The following RAB3GAP1 variants were observed in gnomAD, a reference collection of about 807,000 sequenced individuals.
The protein encoded by RAB3GAP1 is rab3 GTPase-activating protein catalytic subunit.
Under a neutral mutation model 130.7 loss-of-function variants are expected in RAB3GAP1, and 86 were observed. The ratio of observed to expected loss-of-function variants is 0.66; its 90% CI spans 0.55 to 0.79. The LOEUF (loss-of-function observed/expected upper bound fraction) is 0.79, where lower values mean the gene tolerates loss of function less well. Among genes scored for constraint, RAB3GAP1 ranks in the 30% least tolerant of loss-of-function variants. RAB3GAP1 has a pLI of 0.00. For missense variants in RAB3GAP1, 1,029 were observed against 1,169.4 expected, an observed-to-expected ratio of 0.88 and a Z score of 1.75; for synonymous variants, 367 against 401.7, an observed-to-expected ratio of 0.91 and a Z score of 1.03.
In RAB3GAP1 at chr2:135,061,223, C is replaced by T. The variant is rs78046858; in HGVS notation, c.150+3137C>T. On this transcript the variant is annotated intron_variant, in intron 3 of 23. Transcript: ENST00000264158. ...ATGGTTTCTTTCACTTGTCCACATA[C>T]GTACTATTAGGAATAAAGCAGAACA... 7.1e-3 allele frequency among the ~76,000 whole-genome samples: 1,076 copies of T among 152,124 alleles called. 12 individuals carry two copies. The highest frequency in any genetic ancestry group is 0.024 in the African/African-American group (1,007 of 41,492).
At chr2:135,059,379 A>G (rs985702355) in intron 3 of RAB3GAP1, among the ~76,000 whole-genome samples, 59 of 152,170 alleles carry the variant, frequency 3.9e-4, no homozygotes, top group African/African-American at 1.4e-3. Flanking sequence ...ATTTACATGT[A>G]TTTACTGAGT....
At chr2:135,151,035 A>T (rs1210575164) in intron 18 of RAB3GAP1, among the ~76,000 whole-genome samples, 2 of 152,182 alleles carry the variant, frequency 1.3e-5, no homozygotes, top group Non-Finnish European at 2.9e-5. Context: ...TTCTCAGAAG[A>T]GTCACTATTT....
chr2:135,055,568 G>T (rs1220981239), intron 2 of RAB3GAP1, among the ~76,000 whole-genome samples: 12 of 151,604 alleles, frequency 7.9e-5, no homozygotes, highest in African/African-American at 2.9e-4. Context: ...GTCCCAGCTA[G>T]TCAGGAGGCT....
chr2:135,113,384 A>G, intron 6 of RAB3GAP1, 114 bp downstream of exon 6: 1 of 1,369,696 alleles, frequency 7.3e-7, no homozygotes, highest in Non-Finnish European at 1.0e-6. Flanking sequence ...CTTAGTGCAT[A>G]TATATTGTTA....
intron 17 of RAB3GAP1, among the ~76,000 whole-genome samples, chr2:135,138,247 C>A (rs1351285961): frequency 6.7e-6 from 1 of 150,050 alleles, no homozygotes; most frequent in Non-Finnish European, 1.5e-5. Flanking sequence ...GAATTCAAGA[C>A]CAGCCTGGGC....
Position 135,142,762 on chromosome 2 carries a change from A to G in RAB3GAP1, c.1923+6830A>G, listed in dbSNP as rs576349289. Among the ~76,000 whole-genome samples, 6 of 151,842 alleles carry G rather than the reference A, an allele frequency of 4.0e-5. No individual in the cohort carries two copies. In the South Asian group the frequency reaches 1.2e-3, roughly 32 times the overall value. On this transcript the variant is annotated intron_variant, in intron 17 of 23. Transcript: ENST00000264158. ...TTTTCCTGTATATTAAGGTAATCCT[A>G]TTTTATTCTCCCTTATTCCATTAAT...
rs772086492 is a variant in RAB3GAP1, at chr2:135,162,473, C to T, written c.2290-82C>T. 3 of 1,037,020 alleles carry T rather than the reference C, an allele frequency of 2.9e-6. No homozygotes were observed. The Admixed American group carries it at 5.8e-5, about 20-fold the overall frequency. The allele number at this position is 1,037,020 out of a possible 1,614,324, so 64.2% of individuals were successfully genotyped here. ...TCTTGTTAAGGATTAAGATGAGTGG[C>T]TGAGGATTTGCACTTCTGTAAGTGG... On this transcript the variant is annotated intron_variant, in intron 19 of 23. Coordinates refer to ENST00000264158, the MANE Select transcript of RAB3GAP1 (RefSeq NM_012233.3).
chr2:135,097,090 A>G (rs1453977799), intron 5 of RAB3GAP1, among the ~76,000 whole-genome samples: 3 of 151,992 alleles, frequency 2.0e-5, no homozygotes, highest in Non-Finnish European at 4.4e-5. Context: ...AACACTTTAT[A>G]TAGTTTTTTA....
chr2:135,162,824 C>T lies in RAB3GAP1; in HGVS notation c.2463C>T (p.Phe821=), dbSNP rs61748693. 13,089 of 1,612,868 alleles carry T rather than the reference C, an allele frequency of 8.1e-3. 110 individuals are homozygous for T. The highest frequency in any genetic ancestry group is 0.013 in the Middle Eastern group (77 of 6,058). ...CCCATTCCAGTAAAGTTTTGCACTT[C>T]CCCAATCCAGAAGACAAGAAATTGG... ...IISHSSKVLH[F]PNPEDKKLEE... is the part of the protein sequence containing the mutation. Residue 821 remains phenylalanine, a synonymous_variant, in exon 21 of 24, where the codon TTC becomes TTT. Coordinates refer to ENST00000264158, the MANE Select transcript of RAB3GAP1 (RefSeq NM_012233.3).
At chr2:135,107,485 T>C (rs1690662154) in intron 5 of RAB3GAP1, among the ~76,000 whole-genome samples, 1 of 151,936 alleles carries the variant, frequency 6.6e-6, no homozygotes, top group African/African-American at 2.4e-5. Flanking sequence ...ATAACCTGAA[T>C]AGATTATAAA....
Position 135,132,977 on chromosome 2 carries a change from A to G in RAB3GAP1, c.1319A>G (p.Glu440Gly). ...TDNNNPPSES[E>G]DYNLYNQFKS... ...AATAATAATCCTCCATCAGAGAGTG[A>G]AGACTATGTAAGTTGATGTGGAGTT... The change falls in exon 14 of 24, where the codon GAA (glutamate) becomes GGA (glycine). Residue 440 changes from glutamate to glycine, a missense_variant. Transcript: ENST00000264158. 1 of 1,531,836 alleles carries G rather than the reference A, an allele frequency of 6.5e-7. No homozygotes were observed. Among genetic ancestry groups the G allele is most frequent in the Non-Finnish European group, 9.0e-7 (1 of 1,105,808 alleles). 94.9% of individuals were successfully genotyped at this position (1,531,836 alleles called of 1,614,324 possible).
intron 3 of RAB3GAP1, among the ~76,000 whole-genome samples, chr2:135,065,767 ATTTTTTTT>A (rs1201634667): frequency 7.3e-5 from 9 of 123,942 alleles, no homozygotes; most frequent in African/African-American, 3.0e-4. Flanking sequence ...ATCTTCACTA[ATTTTTTTT>A]TTTTTTTTTT....
At chr2:135,089,178 T>C (rs1690068202) in intron 3 of RAB3GAP1, among the ~76,000 whole-genome samples, 1 of 151,974 alleles carries the variant, frequency 6.6e-6, no homozygotes, top group Non-Finnish European at 1.5e-5. Context: ...TTTTGTCAGG[T>C]TTGTCAAAGA....
chr2:135,107,836 G>A (rs1195986383), intron 5 of RAB3GAP1, among the ~76,000 whole-genome samples: 1 of 152,026 alleles, frequency 6.6e-6, no homozygotes, highest in Non-Finnish European at 1.5e-5. Flanking sequence ...TTAGCCAGGT[G>A]TGGTGGCACA....
rs146045827 is a variant in RAB3GAP1, at chr2:135,168,739, T to C, written c.2904T>C (p.Phe968=). The C allele has an allele frequency of 1.5e-4, 246 of 1,614,208 alleles. No individual in the cohort carries two copies. The African/African-American group carries it at 2.7e-3, about 18-fold the overall frequency. Reference sequence around the variant, plus strand: ...ACAGTGTTCTCACCAAAGAGGACTTTAGACTTGCAGGTGCCTTTTCATCAG... The same window carrying C: ...ACAGTGTTCTCACCAAAGAGGACTTCAGACTTGCAGGTGCCTTTTCATCAG... ...RMYSVLTKED[F]RLAGAFSSDT... Residue 968 remains phenylalanine, a synonymous_variant, in exon 24 of 24, where the codon TTT becomes TTC. Transcript: ENST00000264158.
chr2:135,152,618 C>T (rs1420604229), intron 18 of RAB3GAP1, among the ~76,000 whole-genome samples: 1 of 152,128 alleles, frequency 6.6e-6, no homozygotes, highest in East Asian at 1.9e-4. Flanking sequence ...CGTATCATAA[C>T]CCTTTTACAT....
chr2:135,080,525 G>A (rs1330453268), intron 3 of RAB3GAP1, among the ~76,000 whole-genome samples: 1 of 152,176 alleles, frequency 6.6e-6, no homozygotes, highest in African/African-American at 2.4e-5. Flanking sequence ...CTGAGTGCCC[G>A]AGATGATGCT....
chr2:135,135,901 A>G lies in RAB3GAP1; in HGVS notation c.1892A>G (p.Asn631Ser), dbSNP rs1372567238. ...CATGGGAAACTTACACTGCTGCATAATGGAGAACCTCTCTACATTCCAGTA... is the reference window on the plus strand; with the variant it reads ...CATGGGAAACTTACACTGCTGCATAGTGGAGAACCTCTCTACATTCCAGTA... ...YQHGKLTLLHNGEPLYIPVTQ... is the reference protein window; with the variant it reads ...YQHGKLTLLHSGEPLYIPVTQ... Residue 631 changes from asparagine (N) to serine (S), a missense_variant, in exon 17 of 24, where the codon AAT becomes AGT. Asn to Ser is a conservative substitution (Grantham distance 46). Transcript: ENST00000264158. 3.1e-6 allele frequency: 5 copies of G among 1,614,164 alleles called. No individual in the cohort carries two copies. The highest frequency in any genetic ancestry group is 1.6e-4 in the Middle Eastern group (1 of 6,062).
At chr2:135,168,412 C>A in intron 23 of RAB3GAP1, 133 bp from the exon 24 acceptor site, 1 of 830,878 alleles carries the variant, frequency 1.2e-6, no homozygotes, top group Non-Finnish European at 2.1e-6. Context: ...GTAATCTTAA[C>A]ATATAGCTGA....
Sources: allele counts gnomAD v4.1 joint callset (sites outside exome capture counted in the v4.1 genomes callset), GRCh38; gene constraint gnomAD v4.1.1; transcripts MANE v1.5; gene names NCBI Gene and HGNC (gene_info 2026-07-23, HGNC 2026-07-21).